LZTFL1: variants seen among roughly 807,000 people sequenced by gnomAD.
LZTFL1 encodes leucine zipper transcription factor like 1.
A neutral mutation model predicts 45.9 loss-of-function variants in LZTFL1; 25 were observed. The observed-to-expected ratio is 0.54, with a 90% CI of 0.40 to 0.76. LZTFL1 has a LOEUF of 0.76. Among genes scored for constraint, LZTFL1 ranks in the 30% least tolerant of loss-of-function variants. The probability of loss-of-function intolerance (pLI) is 0.00; values close to 1 mark genes in which losing one functional copy is unlikely to be tolerated. For missense variants in LZTFL1, 277 were observed against 331.1 expected, an observed-to-expected ratio of 0.84 and a Z score of 1.27; for synonymous variants, 93 against 117.4, an observed-to-expected ratio of 0.79 and a Z score of 1.35.
intron 2 of LZTFL1, among the ~76,000 whole-genome samples, chr3:45,877,189 C>T (rs1701761311): frequency 6.6e-6 from 1 of 152,050 alleles, no homozygotes. Context: ...AGTAGGGCTT[C>T]TCAGAACCTG....
intron 2 of LZTFL1, among the ~76,000 whole-genome samples, chr3:45,894,441 C>T (rs6804366): frequency 1.8e-3 from 281 of 152,274 alleles, no homozygotes; most frequent in African/African-American, 6.5e-3. Flanking sequence ...ATTCTCAAAG[C>T]GACCACTGTC....
chr3:45,839,379 C>T (rs1016105833), intron 1 of LZTFL1, among the ~76,000 whole-genome samples: 5 of 152,164 alleles, frequency 3.3e-5, no homozygotes, highest in Admixed American at 6.5e-5. Context: ...TGAGCCACCA[C>T]GCCCGGCCCA....
chr3:45,893,159 T>C (rs1015367190), intron 2 of LZTFL1, among the ~76,000 whole-genome samples: 7 of 145,412 alleles, frequency 4.8e-5, no homozygotes, highest in South Asian at 2.2e-4. Context: ...CTCTCTCTCT[T>C]TTTTTTTTTG....
Position 45,901,571 on chromosome 3 carries a change from C to G in LZTFL1, c.-215+11549G>C, listed in dbSNP as rs759541158. 2 of 1,614,156 alleles carry G rather than the reference C, an allele frequency of 1.2e-6. No individual in the cohort carries two copies. The highest frequency in any genetic ancestry group is 1.7e-6 in the Non-Finnish European group (2 of 1,180,006). ...TAAAAGTGACCATCACTGTCCTGAC[C>G]GTCTTTGTCTTGTCTCAGTTTCCCT... On this transcript the variant is annotated intron_variant, in intron 2 of 4. Coordinates refer to the LZTFL1 transcript ENST00000472635. The surrounding 1 kb of genome is among the most constrained non-coding windows in gnomAD (Gnocchi z 4.3).
At position 45,826,207 on chromosome 3, in the gene LZTFL1, A is replaced by G. The variant is rs1700657391; in HGVS notation, c.*107T>C. On this transcript the variant is annotated 3_prime_UTR_variant, in exon 10 of 10. Coordinates refer to ENST00000296135, the MANE Select transcript of LZTFL1 (RefSeq NM_020347.4). ...TCTAAATATTCAAAGTCTAAATATT[A>G]GAAAAATAAGGAGAGGGGATATGAC... 1 of 940,862 alleles carries G rather than the reference A, an allele frequency of 1.1e-6. No individual in the cohort carries two copies. Among genetic ancestry groups the G allele is most frequent in the Non-Finnish European group, 1.7e-6 (1 of 597,178 alleles). 58.3% of individuals were successfully genotyped at this position (940,862 alleles called of 1,614,324 possible). A position where few individuals can be genotyped will look rare whatever the true frequency, so the allele number is the denominator to read the frequency against.
At chr3:45,912,757 G>T (rs1214088683) in intron 2 of LZTFL1, among the ~76,000 whole-genome samples, 1 of 152,146 alleles carries the variant, frequency 6.6e-6, no homozygotes, top group Admixed American at 6.5e-5. Flanking sequence ...CTGACCACGG[G>T]CAGACAAGGG....
chr3:45,859,639 C>CT (rs539062553), intron 2 of LZTFL1, among the ~76,000 whole-genome samples: 13,458 of 129,826 alleles, frequency 0.1, 808 homozygotes, highest in African/African-American at 0.11. Flanking sequence ...CATTACATGG[C>CT]TTTTTTTTTT....
intron 4 of LZTFL1, among the ~76,000 whole-genome samples, chr3:45,847,645 G>C (rs898704009): frequency 2.0e-5 from 3 of 152,168 alleles, no homozygotes; most frequent in East Asian, 1.9e-4. Context: ...CCAGAATAAG[G>C]GTGCTTGTTG....
intron 2 of LZTFL1, among the ~76,000 whole-genome samples, chr3:45,885,177 C>G (rs922612261): frequency 1.3e-5 from 2 of 152,174 alleles, no homozygotes; most frequent in African/African-American, 2.4e-5. Context: ...GGGAGTACCA[C>G]GCCATGACAG....
upstream of LZTFL1, among the ~76,000 whole-genome samples, chr3:45,845,077 T>G (rs1883092): frequency 0.075 from 11,430 of 152,234 alleles, 509 homozygotes; most frequent in Non-Finnish European, 0.088. Flanking sequence ...AATACCTTCT[T>G]GTAAAGTACA....
chr3:45,912,072 G>C (rs572818031), intron 2 of LZTFL1, among the ~76,000 whole-genome samples: 1 of 152,350 alleles, frequency 6.6e-6, no homozygotes, highest in South Asian at 2.1e-4. Flanking sequence ...TGTCGCATGG[G>C]TGTGAATAGT....
Position 45,901,116 on chromosome 3 carries a change from G to A in LZTFL1, c.-215+12004C>T, listed in dbSNP as rs56064700. On this transcript the variant is annotated intron_variant, in intron 2 of 4. Coordinates refer to the LZTFL1 transcript ENST00000472635. The surrounding 1 kb of genome is among the most constrained non-coding windows in gnomAD (Gnocchi z 4.3). ...TCCCTTCTGGGCCATTGCTGCTGCT[G>A]ACCAGTGGAAGTTCCAGACCTTCAT... The A allele has an allele frequency of 4.4e-4, 716 of 1,614,066 alleles. 9 individuals carry two copies. The East Asian group carries it at 0.016, about 35-fold the overall frequency.
chr3:45,911,380 A>G (rs1702792396), intron 2 of LZTFL1, among the ~76,000 whole-genome samples: 1 of 152,228 alleles, frequency 6.6e-6, no homozygotes. Context: ...AAGGGATTGG[A>G]CAAGGTGTGG....
chr3:45,870,418 T>C (rs909311240), intron 2 of LZTFL1, among the ~76,000 whole-genome samples: 1 of 152,200 alleles, frequency 6.6e-6, no homozygotes, highest in Non-Finnish European at 1.5e-5. Flanking sequence ...CAGTGTGGCA[T>C]AGGGTGGAAA....
At chr3:45,865,758 T>TA (rs1221993338) in intron 2 of LZTFL1, among the ~76,000 whole-genome samples, 2 of 152,304 alleles carry the variant, frequency 1.3e-5, no homozygotes, top group Admixed American at 1.3e-4. Context: ...AAGTTAAACA[T>TA]AGAGTTATCA....
chr3:45,910,090 G>C (rs1300774346), intron 2 of LZTFL1, among the ~76,000 whole-genome samples: 1 of 152,192 alleles, frequency 6.6e-6, no homozygotes, highest in Non-Finnish European at 1.5e-5. Context: ...TTCCACTTCA[G>C]GAAGATTTTT....
intron 2 of LZTFL1, among the ~76,000 whole-genome samples, chr3:45,873,890 T>C (rs1701708368): frequency 6.6e-6 from 1 of 152,206 alleles, no homozygotes; most frequent in Non-Finnish European, 1.5e-5. Flanking sequence ...TAATCTAATA[T>C]AACCTTTGTA....
chr3:45,839,201 G>C (rs1045716014), intron 1 of LZTFL1, among the ~76,000 whole-genome samples: 4 of 152,124 alleles, frequency 2.6e-5, no homozygotes, highest in Non-Finnish European at 5.9e-5. Flanking sequence ...CCATTCTCCT[G>C]CCTCAGGCTC....
intron 2 of LZTFL1, among the ~76,000 whole-genome samples, chr3:45,912,654 CA>C (rs1239859669): frequency 6.6e-6 from 1 of 152,150 alleles, no homozygotes; most frequent in Non-Finnish European, 1.5e-5. Flanking sequence ...TTTCTTTGAC[CA>C]ACTGACCACA....
Sources: allele counts gnomAD v4.1 joint callset (sites outside exome capture counted in the v4.1 genomes callset), GRCh38; gene constraint gnomAD v4.1.1; non-coding constraint Gnocchi (gnomAD v3.1); transcripts MANE v1.5; gene names NCBI Gene and HGNC (gene_info 2026-07-23, HGNC 2026-07-21).